HTT: variants seen among roughly 807,000 people sequenced by gnomAD.
The protein encoded by HTT is huntingtin, also known as huntington disease protein.
HTT carries 104 observed loss-of-function variants against 362.3 expected under a neutral mutation model. The observed-to-expected ratio is 0.29, with a 90% CI of 0.24 to 0.34. The LOEUF (loss-of-function observed/expected upper bound fraction) is 0.34, where lower values mean the gene tolerates loss of function less well. HTT is among the 10% of genes least tolerant of loss of function. HTT has a pLI of 1.00. For missense variants in HTT, 3,301 were observed against 3,928.6 expected, an observed-to-expected ratio of 0.84 and a Z score of 4.27; for synonymous variants, 1,577 against 1,548.7, an observed-to-expected ratio of 1.02 and a Z score of -0.43.
intron 35 of HTT, among the ~76,000 whole-genome samples, chr4:3,179,209 A>G (rs943812521): frequency 6.6e-6 from 1 of 152,272 alleles, no homozygotes; most frequent in African/African-American, 2.4e-5. Context: ...GTTGCGAGGC[A>G]GGGCCTTGGC....
chr4:3,136,216 C>T lies in HTT; in HGVS notation c.2698-10C>T, dbSNP rs1409725554. 16 of 1,550,634 alleles carry T rather than the reference C, an allele frequency of 1.0e-5. No homozygotes were observed. The highest frequency in any genetic ancestry group is 1.4e-5 in the African/African-American group (1 of 73,320). On this transcript the variant is annotated splice_polypyrimidine_tract_variant and intron_variant, in intron 20 of 66. Coordinates refer to ENST00000355072, the MANE Select transcript of HTT (RefSeq NM_001388492.1). ...GATTATGTTTATTTTTATTATCCTT[C>T]TCTCTAAAGCTTTTAAAACTGCAAG...
intron 1 of HTT, among the ~76,000 whole-genome samples, chr4:3,084,900 G>A (rs962884235): frequency 2.6e-5 from 4 of 151,756 alleles, no homozygotes; most frequent in African/African-American, 9.7e-5. Context: ...TGTAGTCCCA[G>A]CTACTTGGGA....
chr4:3,231,192 A>G (rs938589757), intron 60 of HTT, among the ~76,000 whole-genome samples: 4 of 152,218 alleles, frequency 2.6e-5, no homozygotes, highest in Non-Finnish European at 5.9e-5. Flanking sequence ...CATTTCTTCA[A>G]CAAACACCTG....
chr4:3,074,923 AGCAGCAGCAGCAACAG>A lies in HTT; in HGVS notation c.99_114del (p.Gln33HisfsTer63), dbSNP rs1560535020. ...CAGCAGCAGCAGCAGCAGCAGCAGCAGCAGCAGCAGCAACAGCCGCCACCGCCGCCGCCGCCGCCGC... is the reference window on the plus strand; with the variant it reads ...CAGCAGCAGCAGCAGCAGCAGCAGCACCGCCACCGCCGCCGCCGCCGCCGC... On this transcript the variant is annotated frameshift_variant, in exon 1 of 67. Transcript: ENST00000355072. LOFTEE classifies it high-confidence loss of function. 6.1e-6 allele frequency: 9 copies of A among 1,479,120 alleles called. No individual in the cohort carries two copies. The African/African-American group carries it at 6.1e-5, about 10-fold the overall frequency. The allele number at this position is 1,479,120 out of a possible 1,614,324, so 91.6% of individuals were successfully genotyped here.
chr4:3,084,195 T>C (rs1206396067), intron 1 of HTT, among the ~76,000 whole-genome samples: 2 of 128,806 alleles, frequency 1.6e-5, no homozygotes, highest in African/African-American at 5.8e-5. Context: ...GGAAATGCTT[T>C]GTCTTTTTTT....
Position 3,228,600 on chromosome 4 carries a change from C to G in HTT, c.7849-15C>G. ...TGTGGCCGCAGCACTGAGCAGTGCC[C>G]CGTTTCTGTGGCAGGTGTCCATACA... On this transcript the variant is annotated splice_polypyrimidine_tract_variant and intron_variant, in intron 57 of 66. Transcript: ENST00000355072. The surrounding 1 kb of genome is among the most constrained non-coding windows in gnomAD (Gnocchi z 4.3). 6.5e-7 allele frequency: 1 copy of G among 1,548,052 alleles called. No individual in the cohort carries two copies. The highest frequency in any genetic ancestry group is 8.7e-7 in the Non-Finnish European group (1 of 1,147,490).
At chr4:3,170,223 T>C (rs1717908352) in intron 29 of HTT, among the ~76,000 whole-genome samples, 1 of 152,242 alleles carries the variant, frequency 6.6e-6, no homozygotes, top group Non-Finnish European at 1.5e-5. Flanking sequence ...GAGTTACATA[T>C]AGATGGTTTA....
chr4:3,153,500 T>C (rs1717000840), intron 26 of HTT, among the ~76,000 whole-genome samples: 1 of 152,212 alleles, frequency 6.6e-6, no homozygotes, highest in Admixed American at 6.5e-5. Flanking sequence ...TGTTGTGTAT[T>C]GGAGATAGTT....
rs1219075967 is a variant in HTT, at chr4:3,131,283, T to C, written c.1987-3T>C. ...CAAACAAGTGTCATTGTCTCCTTTC[T>C]AGCCTTGCCGCATCAAAGGTGACAT... On this transcript the variant is annotated splice_region_variant and splice_polypyrimidine_tract_variant and intron_variant, in intron 14 of 66. Coordinates refer to ENST00000355072, the MANE Select transcript of HTT (RefSeq NM_001388492.1). 6.2e-7 allele frequency: 1 copy of C among 1,604,366 alleles called. No homozygotes were observed. Among genetic ancestry groups the C allele is most frequent in the East Asian group, 2.2e-5 (1 of 44,824 alleles).
Position 3,228,165 on chromosome 4 carries a change from C to T in HTT, c.7849-450C>T, listed in dbSNP as rs926270353. 6.6e-6 allele frequency among the ~76,000 whole-genome samples: 1 copy of T among 152,114 alleles called. No homozygotes were observed. The highest frequency in any genetic ancestry group is 1.9e-4 in the East Asian group (1 of 5,178). ...GAGGACAGTCGAGGTGTGCTGACTGCGTGGTGGCTGCGTGATCTAGAGCGC... is the reference window on the plus strand; with the variant it reads ...GAGGACAGTCGAGGTGTGCTGACTGTGTGGTGGCTGCGTGATCTAGAGCGC... On this transcript the variant is annotated intron_variant, in intron 57 of 66. Transcript: ENST00000355072. This position sits in a 1 kb window ranked among gnomAD's most constrained non-coding sequence, Gnocchi z 4.3.
rs367607468 is a variant in HTT at position 3,187,656 on chromosome 4, C to T, written c.4995C>T (p.Ser1665=). ...SMFVTPNTMA[S]VSTVQLWISG... Reference sequence around the variant, plus strand: ...ATGTATTATGTTTATTTTAGGCGTCCGTGAGCACTGTTCAACTGTGGATAT... The same window carrying T: ...ATGTATTATGTTTATTTTAGGCGTCTGTGAGCACTGTTCAACTGTGGATAT... Residue 1665 remains serine, a synonymous_variant, in exon 39 of 67, where the codon TCC becomes TCT. Transcript: ENST00000355072. The T allele has an allele frequency of 9.2e-5, 148 of 1,612,302 alleles. 1 individual carries two copies. Among genetic ancestry groups the T allele is most frequent in the Admixed American group, 9.2e-4 (55 of 60,006 alleles).
intron 2 of HTT, among the ~76,000 whole-genome samples, chr4:3,093,413 T>A (rs1180083569): frequency 1.3e-5 from 2 of 152,196 alleles, no homozygotes. Flanking sequence ...TTTCAGTGTT[T>A]GTAACACGTA....
At chr4:3,125,406 G>A (rs1020083047) in intron 10 of HTT, 143 bp from the exon 11 acceptor site, 1 of 560,042 alleles carries the variant, frequency 1.8e-6, no homozygotes, top group Non-Finnish European at 3.2e-6. Context: ...TACTGTGGAG[G>A]TATAAAAATA....
intron 29 of HTT, 37 bp from the exon 30 acceptor site, chr4:3,172,283 C>A (rs1372777599): frequency 3.5e-6 from 4 of 1,140,136 alleles, no homozygotes; most frequent in Admixed American, 3.4e-5. Context: ...AACGGGTCAT[C>A]TCTGAGTCGC....
chr4:3,155,897 CAAA>C (rs544532624), intron 27 of HTT, among the ~76,000 whole-genome samples: 63 of 84,566 alleles, frequency 7.4e-4, no homozygotes, highest in Non-Finnish European at 1.3e-3. Flanking sequence ...GACTCCGTCT[CAAA>C]AAAAAAAAAA....
chr4:3,145,356 T>C (rs1716549329), intron 24 of HTT, 128 bp downstream of exon 24: 1 of 693,918 alleles, frequency 1.4e-6, no homozygotes, highest in Non-Finnish European at 2.6e-6. Flanking sequence ...AAATATCTGA[T>C]GGAATACTTG....
chr4:3,229,795 A>C, intron 59 of HTT, 92 bp from the exon 60 acceptor site: 2 of 1,351,730 alleles, frequency 1.5e-6, no homozygotes, highest in Non-Finnish European at 2.1e-6. Flanking sequence ...GGGTGTAAGA[A>C]CACGACTTGC....
At chr4:3,127,905 A>G (rs1271781735) in intron 12 of HTT, among the ~76,000 whole-genome samples, 1 of 151,820 alleles carries the variant, frequency 6.6e-6, no homozygotes, top group Non-Finnish European at 1.5e-5. Context: ...CAGAGGTTGC[A>G]ATGAGCCGAG....
chr4:3,189,122 G>A (rs1425454022), intron 40 of HTT, 29 bp downstream of exon 40: 1 of 1,610,838 alleles, frequency 6.2e-7, no homozygotes. Context: ...TCTTCCTGGA[G>A]TGTCTCGTTC....
Sources: gnomAD v4.1 joint callset for allele counts (sites outside exome capture counted in the v4.1 genomes callset) on GRCh38, gnomAD v4.1.1 for gene constraint, Gnocchi (gnomAD v3.1) non-coding constraint, MANE v1.5 for transcripts, NCBI Gene and HGNC (gene_info 2026-07-23, HGNC 2026-07-21) for gene names.